The following RPP30 variants were observed in gnomAD, a reference collection of about 807,000 sequenced individuals.
RPP30 encodes ribonuclease P protein subunit p30.
A neutral mutation model predicts 38.6 loss-of-function variants in RPP30; 36 were observed. That is an observed-to-expected ratio of 0.93 (90% CI 0.71 to 1.23). RPP30 has a LOEUF of 1.23. Ranked by LOEUF, RPP30 falls within the 50% of genes most tolerant of loss-of-function variation. RPP30 has a pLI of 0.00. For missense variants in RPP30, 321 were observed against 321.7 expected, an observed-to-expected ratio of 1.00 and a Z score of 0.02; for synonymous variants, 126 against 112.7, an observed-to-expected ratio of 1.12 and a Z score of -0.75.
At chr10:90,874,018 A>T (rs1460187933) in intron 1 of RPP30, among the ~76,000 whole-genome samples, 1 of 152,178 alleles carries the variant, frequency 6.6e-6, no homozygotes, top group South Asian at 2.1e-4. Context: ...TATATTATTT[A>T]TCCTGTATGC....
intron 6 of RPP30, among the ~76,000 whole-genome samples, chr10:90,886,957 A>AATT (rs748136459): frequency 8.2e-4 from 124 of 152,110 alleles, no homozygotes; most frequent in Middle Eastern, 3.4e-3. Flanking sequence ...GTGTGGCAAA[A>AATT]ATTATTAGTA....
At chr10:90,893,186 G>A (rs1000767823) in intron 6 of RPP30, among the ~76,000 whole-genome samples, 5 of 152,186 alleles carry the variant, frequency 3.3e-5, no homozygotes, top group Non-Finnish European at 7.4e-5. Context: ...CTTGAAGCCG[G>A]AGGAAGAATT....
chr10:90,894,881 G>A lies in RPP30; in HGVS notation c.539G>A (p.Cys180Tyr). 8 of 1,600,010 alleles carry A rather than the reference G, an allele frequency of 5.0e-6. No individual in the cohort carries two copies. The highest frequency in any genetic ancestry group is 6.9e-6 in the Non-Finnish European group (8 of 1,167,304). Residue 180 changes from cysteine to tyrosine, a missense_variant, in exon 7 of 11, where the codon TGC becomes TAC. Transcript: ENST00000371703. ...AGTGCCCTCAATTTGATGCAAATCT[G>A]CAAAGGAAAGGTATGGTTCTATAAT... The part of the protein sequence containing the change: ...ISSALNLMQI[C>Y]KGKNVIISSA...
At chr10:90,894,128 T>C (rs373949225) in intron 6 of RPP30, among the ~76,000 whole-genome samples, 67 of 152,190 alleles carry the variant, frequency 4.4e-4, no homozygotes, top group Non-Finnish European at 8.2e-4. Flanking sequence ...AGGGGCTTTA[T>C]TACTAAAGAA....
chr10:90,878,522 C>A (rs1213988186), intron 4 of RPP30, among the ~76,000 whole-genome samples: 2 of 150,172 alleles, frequency 1.3e-5, no homozygotes, highest in African/African-American at 4.9e-5. Context: ...GATGAGGTCT[C>A]ACTTTGTTGT....
chr10:90,887,929 T>C (rs1241289896), intron 6 of RPP30, among the ~76,000 whole-genome samples: 1 of 152,204 alleles, frequency 6.6e-6, no homozygotes, highest in Admixed American at 6.5e-5. Flanking sequence ...TTCTGATTGG[T>C]TGTCTGTCAA....
intron 10 of RPP30, among the ~76,000 whole-genome samples, chr10:90,896,844 A>G (rs1231547524): frequency 1.3e-5 from 2 of 152,230 alleles, no homozygotes; most frequent in Admixed American, 6.5e-5. Flanking sequence ...TTTTACATTT[A>G]TTATAACTCA....
intron 4 of RPP30, 115 bp from the exon 5 acceptor site, chr10:90,878,948 G>A: frequency 2.5e-6 from 1 of 401,630 alleles, no homozygotes; most frequent in Non-Finnish European, 3.7e-6. Flanking sequence ...AAGCAGAAAT[G>A]TCAGTATATT....
At chr10:90,880,838 C>G (rs1846919274) in intron 5 of RPP30, among the ~76,000 whole-genome samples, 1 of 152,122 alleles carries the variant, frequency 6.6e-6, no homozygotes, top group African/African-American at 2.4e-5. Flanking sequence ...TTTTTAAAAT[C>G]AGGCACATTC....
At chr10:90,879,441 T>C (rs968674052) in intron 5 of RPP30, among the ~76,000 whole-genome samples, 2 of 152,354 alleles carry the variant, frequency 1.3e-5, no homozygotes, top group Non-Finnish European at 2.9e-5. Context: ...TCCATCTCTT[T>C]CTAGCTCTAA....
intron 6 of RPP30, among the ~76,000 whole-genome samples, chr10:90,886,425 T>C (rs1279844738): frequency 6.6e-6 from 1 of 152,202 alleles, no homozygotes; most frequent in Admixed American, 6.5e-5. Context: ...TTCAGAAAAC[T>C]TTTTTGTTTC....
At chr10:90,892,702 GC>G (rs1184478331) in intron 6 of RPP30, among the ~76,000 whole-genome samples, 1 of 152,160 alleles carries the variant, frequency 6.6e-6, no homozygotes, top group East Asian at 1.9e-4. Context: ...ATACAGGTCA[GC>G]CTCTTCAGCT....
At chr10:90,903,851 G>A (rs1847227825), downstream of RPP30, among the ~76,000 whole-genome samples, 1 of 151,980 alleles carries the variant, frequency 6.6e-6, no homozygotes, top group Non-Finnish European at 1.5e-5. Context: ...AAATGTGTAG[G>A]GCCTCTATAA....
At chr10:90,872,934 C>T (rs1846801858) in intron 1 of RPP30, among the ~76,000 whole-genome samples, 1 of 152,194 alleles carries the variant, frequency 6.6e-6, no homozygotes, top group African/African-American at 2.4e-5. Flanking sequence ...CTCTGTGGTA[C>T]TTTGCTCATC....
At position 90,900,879 on chromosome 10, in the gene RPP30, A is replaced by G. The variant is rs1375011095; in HGVS notation, c.*200A>G. On this transcript the variant is annotated 3_prime_UTR_variant, in exon 11 of 11. Coordinates refer to ENST00000371703, the MANE Select transcript of RPP30 (RefSeq NM_006413.5). ...CATCTTTTTAAAAGGCTGCCAGCTT[A>G]ATGAATTTAGATGTACTTTAAGAGA... The G allele has an allele frequency of 7.7e-7, 1 of 1,299,294 alleles. No homozygotes were observed. Among genetic ancestry groups the G allele is most frequent in the African/African-American group, 1.5e-5 (1 of 66,236 alleles). The allele number at this position is 1,299,294 out of a possible 1,614,324, so 80.5% of individuals were successfully genotyped here. A position where few individuals can be genotyped will look rare whatever the true frequency, so the allele number is the denominator to read the frequency against.
chr10:90,904,924 C>G (rs1043799586), downstream of RPP30, among the ~76,000 whole-genome samples: 9 of 151,924 alleles, frequency 5.9e-5, no homozygotes, highest in Non-Finnish European at 8.8e-5. Context: ...TATCTCACAC[C>G]CAATACACAC....
At chr10:90,884,241 G>A (rs1846970676) in intron 5 of RPP30, among the ~76,000 whole-genome samples, 1 of 152,122 alleles carries the variant, frequency 6.6e-6, no homozygotes, top group African/African-American at 2.4e-5. Flanking sequence ...CACTTATAGA[G>A]ACTTCTCTAT....
At chr10:90,896,226 C>T (rs1847137213) in intron 9 of RPP30, 87 bp from the exon 10 acceptor site, 2 of 1,150,398 alleles carry the variant, frequency 1.7e-6, no homozygotes, top group African/African-American at 1.5e-5. Context: ...CTCAAGATGA[C>T]CAGGTTAGCT....
At chr10:90,881,939 T>TAATTGG in intron 5 of RPP30, among the ~76,000 whole-genome samples, 8 of 152,300 alleles carry the variant, frequency 5.3e-5, no homozygotes, top group African/African-American at 1.9e-4. Flanking sequence ...TAGCATCATT[T>TAATTGG]CCATGGGACA....
Sources: allele counts gnomAD v4.1 joint callset (sites outside exome capture counted in the v4.1 genomes callset), GRCh38; gene constraint gnomAD v4.1.1; transcripts MANE v1.5; gene names NCBI Gene and HGNC (gene_info 2026-07-23, HGNC 2026-07-21).